ZNF91: variants seen among roughly 807,000 people sequenced by gnomAD.
ZNF91 encodes zinc finger protein 91 (HPF7, HTF10).
A neutral mutation model predicts 12.6 loss-of-function variants in ZNF91; 7 were observed. The observed-to-expected ratio is 0.55, with a 90% confidence interval of 0.31 to 1.04. The LOEUF is 1.04. ZNF91 is among the 50% of genes least tolerant of loss of function. The pLI is 0.05. For synonymous variants in ZNF91, 453 were observed against 462.6 expected (o/e 0.98, Z 0.27); for missense variants, 1,217 against 1,385.4 (o/e 0.88, Z 1.93).
At chr19:23,325,956 A>G (rs1416294727) in intron 1 of ZNF91, 2 of 152,200 alleles carry the variant, frequency 1.3e-5, no homozygotes, top group Admixed American at 1.3e-4. Context: ...TTGTTTTACA[A>G]AGACCCTCAT....
intron 3 of ZNF91, among the ~76,000 whole-genome samples, chr19:23,345,763 C>A (rs1968211999): frequency 6.6e-6 from 1 of 152,098 alleles, no homozygotes; most frequent in Admixed American, 6.5e-5. Context: ...TATTCCCAGC[C>A]ACCATCTTCC....
chr19:23,374,843 A>G, intron 1 of ZNF91, 79 bp from the exon 2 acceptor site: 1 of 1,579,378 alleles, frequency 6.3e-7, no homozygotes, highest in South Asian at 1.1e-5. Flanking sequence ...GTAAAATCAG[A>G]AAGTGACTAG....
chr19:23,381,234 C>T (rs2145118425), intron 1 of ZNF91, among the ~76,000 whole-genome samples: 1 of 152,200 alleles, frequency 6.6e-6, no homozygotes, highest in East Asian at 1.9e-4. Flanking sequence ...AACTACATTT[C>T]AAAACTATGA....
chr19:23,333,138 G>A (rs1225707724), intron 1 of ZNF91, among the ~76,000 whole-genome samples: 1 of 152,162 alleles, frequency 6.6e-6, no homozygotes. Context: ...CTCACTGGAA[G>A]TGCTGAGCCC....
intron 3 of ZNF91, among the ~76,000 whole-genome samples, chr19:23,305,478 T>C (rs1287323157): frequency 6.6e-6 from 1 of 152,212 alleles, no homozygotes; most frequent in African/African-American, 2.4e-5. Context: ...GTCAGTTACC[T>C]CATTCTAGGT....
At chr19:23,391,272 CAT>C (rs985683482) in intron 1 of ZNF91, among the ~76,000 whole-genome samples, 26 of 152,162 alleles carry the variant, frequency 1.7e-4, no homozygotes, top group African/African-American at 6.3e-4. Context: ...CAGTGGTAAA[CAT>C]AAAATACTTC....
intron 1 of ZNF91, chr19:23,384,457 C>T: frequency 2.5e-6 from 1 of 400,690 alleles, no homozygotes; most frequent in Non-Finnish European, 4.1e-6. Flanking sequence ...AAAGATTCTT[C>T]AGAAACATAT....
intron 2 of ZNF91, among the ~76,000 whole-genome samples, chr19:23,374,114 T>C (rs1332934560): frequency 6.6e-6 from 1 of 152,060 alleles, no homozygotes; most frequent in Non-Finnish European, 1.5e-5. Context: ...AAATTACCAC[T>C]AATCTAAAGT....
At chr19:23,308,317 C>A (rs1481638892) in intron 2 of ZNF91, 1 of 152,158 alleles carries the variant, frequency 6.6e-6, no homozygotes, top group Non-Finnish European at 1.5e-5. Context: ...AAGAAACCAA[C>A]TAATGTGTTT....
rs1293925116 is a variant in ZNF91, at chr19:23,361,473, G to C, written c.1506C>G (p.Ser502=). 3 of 1,610,902 alleles carry C rather than the reference G, an allele frequency of 1.9e-6. No individual in the cohort carries two copies. Among genetic ancestry groups the C allele is most frequent in the Non-Finnish European group, 2.5e-6 (3 of 1,178,740 alleles). ...CEECGKAFRQ[S]STLTKHKIIH... ...TTATCTTATGTTTAGTAAGGGTTGAGGATTGCCTAAAAGCTTTGCCACATT... is the reference window on the plus strand; with the variant it reads ...TTATCTTATGTTTAGTAAGGGTTGACGATTGCCTAAAAGCTTTGCCACATT... Residue 502 remains serine, a synonymous_variant, in exon 4 of 4, where the codon TCC becomes TCG. Transcript: ENST00000300619.
intron 3 of ZNF91, among the ~76,000 whole-genome samples, chr19:23,369,778 T>G (rs1969194838): frequency 6.6e-6 from 1 of 151,258 alleles, no homozygotes; most frequent in African/African-American, 2.4e-5. Flanking sequence ...GTGCAAGATG[T>G]GCTTTGTTAA....
At chr19:23,382,861 A>G (rs1275597322) in intron 1 of ZNF91, among the ~76,000 whole-genome samples, 1 of 152,218 alleles carries the variant, frequency 6.6e-6, no homozygotes, top group Non-Finnish European at 1.5e-5. Context: ...GAACTGTAAT[A>G]AATAGCCTAC....
At chr19:23,378,383 T>C (rs59863959) in intron 1 of ZNF91, among the ~76,000 whole-genome samples, 8,777 of 152,130 alleles carry the variant, frequency 0.058, 718 homozygotes, top group East Asian at 0.24. Context: ...GGGTGTAGAG[T>C]TGATGTAAAA....
rs76670777 is a variant in ZNF91 at position 23,386,687 on chromosome 19, T to C, written c.30+8638A>G. ...TAATTAAAGACTGAAATGTTAATTT[T>C]AAAATGATAAAAAACCCTGGAAGAT... On this transcript the variant is annotated intron_variant, in intron 1 of 3. Transcript: ENST00000300619. 3.2e-4 allele frequency among the ~76,000 whole-genome samples: 48 copies of C among 152,260 alleles called. No individual in the cohort carries two copies. In the East Asian group the frequency reaches 6.4e-3, roughly 20 times the overall value.
chr19:23,386,968 A>T (rs79816728), intron 1 of ZNF91, among the ~76,000 whole-genome samples: 2,038 of 152,314 alleles, frequency 0.013, 47 homozygotes, highest in African/African-American at 0.046. Context: ...CAAGGAAAAA[A>T]TACCTCATTA....
At chr19:23,343,299 T>C (rs1342479744) in intron 3 of ZNF91, among the ~76,000 whole-genome samples, 1 of 152,202 alleles carries the variant, frequency 6.6e-6, no homozygotes, top group Non-Finnish European at 1.5e-5. Context: ...TCAAGAGATC[T>C]GAGATGAGAC....
At position 23,359,317 on chromosome 19, in the gene ZNF91, G is replaced by C; in HGVS notation, c.*86C>G. 1.8e-6 allele frequency: 1 copy of C among 570,112 alleles called. No homozygotes were observed. The highest frequency in any genetic ancestry group is 2.1e-5 in the South Asian group (1 of 48,168). The allele number at this position is 570,112 out of a possible 1,614,324, so 35.3% of individuals were successfully genotyped here. A position where few individuals can be genotyped will look rare whatever the true frequency, so the allele number is the denominator to read the frequency against. On this transcript the variant is annotated 3_prime_UTR_variant, in exon 4 of 4. Transcript: ENST00000300619. ...GGCTCACTGCAAGCTCCGCCTCCCG[G>C]GTTCACGCCATTCTCCTGCCTCAGC...
intron 3 of ZNF91, among the ~76,000 whole-genome samples, chr19:23,348,813 C>T (rs7256634): frequency 0.092 from 13,930 of 152,106 alleles, 864 homozygotes; most frequent in African/African-American, 0.17. Flanking sequence ...TATGGATGGA[C>T]GTGTGAGTAG....
At chr19:23,339,396 G>A (rs1968079625) in intron 3 of ZNF91, 1 of 152,028 alleles carries the variant, frequency 6.6e-6, no homozygotes, top group Non-Finnish European at 1.5e-5. Flanking sequence ...TAAATCTATA[G>A]AACGAGATAG....
Sources: gnomAD v4.1 joint callset for allele counts (sites outside exome capture counted in the v4.1 genomes callset) on GRCh38, gnomAD v4.1.1 for gene constraint, MANE v1.5 for transcripts, NCBI Gene and HGNC (gene_info 2026-07-23, HGNC 2026-07-21) for gene names.